NOL4: variants seen among roughly 807,000 people sequenced by gnomAD.
The protein encoded by NOL4 is cancer/testis antigen 125.
In NOL4, 17 loss-of-function variants were observed where a neutral mutation model predicts 75.9. The observed-to-expected ratio is 0.22, with a 90% confidence interval of 0.15 to 0.34. The LOEUF is 0.34. NOL4 is among the 10% of genes least tolerant of loss of function. NOL4 has a pLI of 1.00. For synonymous variants in NOL4, 292 were observed against 289.9 expected, an observed-to-expected ratio of 1.01 and a Z score of -0.07; for missense variants, 614 against 793.5, an observed-to-expected ratio of 0.77 and a Z score of 2.72.
intron 4 of NOL4, among the ~76,000 whole-genome samples, chr18:34,098,912 G>C (rs890144084): frequency 6.6e-6 from 1 of 152,118 alleles, no homozygotes; most frequent in African/African-American, 2.4e-5. Context: ...GTTCTAAGTA[G>C]TAAATTATTT....
At chr18:33,942,355 A>T (rs2068546942) in intron 9 of NOL4, among the ~76,000 whole-genome samples, 1 of 151,972 alleles carries the variant, frequency 6.6e-6, no homozygotes, top group African/African-American at 2.4e-5. Context: ...AAGGGGGTAC[A>T]TACAACAAAG....
intron 9 of NOL4, among the ~76,000 whole-genome samples, chr18:33,936,841 A>G (rs2068090747): frequency 6.6e-6 from 1 of 152,142 alleles, no homozygotes; most frequent in South Asian, 2.1e-4. Flanking sequence ...CAAAACCAGC[A>G]AAAATAATAC....
chr18:34,090,503 G>A (rs1600547138), intron 5 of NOL4, among the ~76,000 whole-genome samples: 3 of 152,190 alleles, frequency 2.0e-5, no homozygotes, highest in Non-Finnish European at 2.9e-5. Flanking sequence ...GATTCATCTA[G>A]ATAGAGATGT....
intron 1 of NOL4, among the ~76,000 whole-genome samples, chr18:34,209,109 G>A (rs372646130): frequency 6.7e-6 from 1 of 149,022 alleles, no homozygotes; most frequent in Non-Finnish European, 1.5e-5. Flanking sequence ...TATTCTGGAG[G>A]CTGAGGCAGG....
chr18:34,165,317 C>T (rs973683599), intron 1 of NOL4, among the ~76,000 whole-genome samples: 1 of 152,138 alleles, frequency 6.6e-6, no homozygotes, highest in African/African-American at 2.4e-5. Flanking sequence ...TAGTATCTCA[C>T]AGCAGATGGG....
At chr18:34,110,342 A>C (rs946131482) in intron 2 of NOL4, among the ~76,000 whole-genome samples, 3 of 152,116 alleles carry the variant, frequency 2.0e-5, no homozygotes, top group African/African-American at 7.2e-5. Flanking sequence ...CCCTATAGTC[A>C]AGTGGGTTTT....
intron 10 of NOL4, among the ~76,000 whole-genome samples, chr18:33,863,720 C>G (rs1220300685): frequency 6.6e-6 from 1 of 152,138 alleles, no homozygotes. Context: ...GTCAGTGGAT[C>G]TACTATTCTG....
intron 1 of NOL4, among the ~76,000 whole-genome samples, chr18:34,170,441 C>A (rs1478137521): frequency 6.6e-6 from 1 of 152,090 alleles, no homozygotes; most frequent in East Asian, 1.9e-4. Context: ...ATCCACCCAC[C>A]TCAGCCTCCC....
intron 9 of NOL4, among the ~76,000 whole-genome samples, chr18:33,939,535 A>T (rs2068317456): frequency 6.6e-6 from 1 of 152,080 alleles, no homozygotes; most frequent in Admixed American, 6.6e-5. Flanking sequence ...TCTTTATAGC[A>T]ATTGTGAATG....
chr18:34,115,982 T>C lies in NOL4; in HGVS notation c.415-10822A>G, dbSNP rs1056748719. The stretch of plus-strand genomic sequence containing the variant: ...TTTGAGTATTGGGAAACATGGATAG[T>C]GTTTTCAGTGTAAATATTACAGTCT... On this transcript the variant is annotated intron_variant, in intron 2 of 10. Coordinates refer to ENST00000261592, the MANE Select transcript of NOL4 (RefSeq NM_003787.5). Among the ~76,000 whole-genome samples, 4 of 152,198 alleles carry C rather than the reference T, an allele frequency of 2.6e-5. No individual in the cohort carries two copies. In the East Asian group the frequency reaches 7.7e-4, roughly 29 times the overall value.
chr18:34,078,197 C>T (rs1418224892), intron 5 of NOL4, among the ~76,000 whole-genome samples: 2 of 151,976 alleles, frequency 1.3e-5, no homozygotes, highest in African/African-American at 4.8e-5. Flanking sequence ...TTTATCTTTA[C>T]CTTAGAATGA....
intron 1 of NOL4, among the ~76,000 whole-genome samples, chr18:34,192,441 A>C (rs2034989871): frequency 6.6e-6 from 1 of 152,194 alleles, no homozygotes; most frequent in Non-Finnish European, 1.5e-5. Context: ...GAGTCCTCAC[A>C]CTACCTGACT....
In NOL4 at chr18:33,852,158, GAAAGAACGT is replaced by G. The variant is rs2062654099; in HGVS notation, c.*675_*683del. On this transcript the variant is annotated 3_prime_UTR_variant, in exon 11 of 11. Coordinates refer to ENST00000261592, the MANE Select transcript of NOL4 (RefSeq NM_003787.5). ...GGAAGTAGTTCCTGATGTGACGATT[GAAAGAACGT>G]AGGCAAGGGTTTTTCCAGCATCAAG... is the stretch of plus-strand genomic sequence containing the variant. 1 of 152,464 alleles carries G rather than the reference GAAAGAACGT, an allele frequency of 6.6e-6. No homozygotes were observed. The highest frequency in any genetic ancestry group is 1.5e-5 in the Non-Finnish European group (1 of 68,006). The allele number at this position is 152,464 out of a possible 1,614,324, so 9.4% of individuals were successfully genotyped here. A position where few individuals can be genotyped will look rare whatever the true frequency, so the allele number is the denominator to read the frequency against.
At chr18:33,942,769 A>T (rs529709474) in intron 9 of NOL4, among the ~76,000 whole-genome samples, 2 of 151,988 alleles carry the variant, frequency 1.3e-5, no homozygotes, top group East Asian at 3.9e-4. Context: ...GCTGTTGGAA[A>T]TGATCAGCTA....
chr18:33,927,653 T>C lies in NOL4; in HGVS notation c.1542+15412A>G, dbSNP rs143119652. Among the ~76,000 whole-genome samples the C allele has an allele frequency of 1.2e-4, 18 of 152,342 alleles. No homozygotes were observed. In the East Asian group the frequency reaches 2.5e-3, roughly 21 times the overall value. On this transcript the variant is annotated intron_variant, in intron 9 of 10. Coordinates refer to ENST00000261592, the MANE Select transcript of NOL4 (RefSeq NM_003787.5). ...TAAGGATTTATCCATTTCAGGAAAG[T>C]TGATCTTTTGTCATGAAATGAAGAT...
At chr18:34,156,951 A>G (rs919323737) in intron 1 of NOL4, 2 of 152,096 alleles carry the variant, frequency 1.3e-5, no homozygotes, top group Non-Finnish European at 2.9e-5. Context: ...CTCATCACGT[A>G]TATTGGCTTT....
chr18:33,861,145 T>C (rs1303536500), intron 10 of NOL4, among the ~76,000 whole-genome samples: 1 of 152,232 alleles, frequency 6.6e-6, no homozygotes, highest in East Asian at 1.9e-4. Flanking sequence ...GATGGTGGCC[T>C]CATAAAATGA....
intron 9 of NOL4, among the ~76,000 whole-genome samples, chr18:33,914,194 T>C (rs528307279): frequency 6.6e-6 from 1 of 152,144 alleles, no homozygotes; most frequent in African/African-American, 2.4e-5. Flanking sequence ...AAGACCACAC[T>C]GAAAAGGTGG....
At chr18:34,066,867 CAAAG>C (rs1195369598) in intron 5 of NOL4, among the ~76,000 whole-genome samples, 1 of 151,870 alleles carries the variant, frequency 6.6e-6, no homozygotes, top group African/African-American at 2.4e-5. Context: ...TACTATAAAA[CAAAG>C]AAGGCTCTTC....
Sources: gnomAD v4.1 joint callset for allele counts (sites outside exome capture counted in the v4.1 genomes callset) on GRCh38, gnomAD v4.1.1 for gene constraint, MANE v1.5 for transcripts, NCBI Gene and HGNC (gene_info 2026-07-23, HGNC 2026-07-21) for gene names.